Variants in NUP98 observed in about 807,000 individuals in gnomAD.
NUP98 encodes the protein nuclear pore complex protein Nup98-Nup96.
A neutral mutation model predicts 191.9 loss-of-function variants in NUP98; 26 were observed. That is an observed-to-expected ratio of 0.14 (90% confidence interval 0.10 to 0.19). The LOEUF is 0.19. Ranked by LOEUF, NUP98 falls within the 10% of genes least tolerant of loss-of-function variation. The pLI is 1.00. For missense variants in NUP98, 1,941 were observed against 2,178.8 expected, an observed-to-expected ratio of 0.89 and a Z score of 2.17; for synonymous variants, 808 against 778.4, an observed-to-expected ratio of 1.04 and a Z score of -0.63.
At chr11:3,683,785 G>A (rs934815664) in intron 29 of NUP98, among the ~76,000 whole-genome samples, 6 of 151,954 alleles carry the variant, frequency 3.9e-5, no homozygotes, top group African/African-American at 9.7e-5. Flanking sequence ...TGATCCACCC[G>A]CCTCAGCTTC....
At position 3,686,055 on chromosome 11, in the gene NUP98, G is replaced by T; in HGVS notation, c.4594C>A (p.Gln1532Lys). The change falls in exon 29 of 33, where the codon CAG (glutamine) becomes AAG (lysine). Residue 1532 changes from glutamine (Q) to lysine (K), a missense_variant. This residue lies in a region of NUP98 where 1,030 missense variants were observed against 1,115.8 expected (regional missense o/e 0.92). Coordinates refer to ENST00000324932, the MANE Select transcript of NUP98 (RefSeq NM_016320.5). ...HLSAQCEGVL[Q>K]ASYAGQLESE... is the part of the protein sequence containing the mutation. ...TCAAGCTGGCCAGCGTAACTGGCCT[G>T]TAGCACACCTTCACACTGCGCTGAG... The T allele has an allele frequency of 4.3e-6, 7 of 1,614,206 alleles. No homozygotes were observed. Among genetic ancestry groups the T allele is most frequent in the Non-Finnish European group, 5.9e-6 (7 of 1,180,038 alleles).
intron 1 of NUP98, among the ~76,000 whole-genome samples, chr11:3,791,383 A>C (rs1039637102): frequency 6.6e-6 from 1 of 151,342 alleles, no homozygotes; most frequent in African/African-American, 2.4e-5. Flanking sequence ...AAATACAAAA[A>C]ATTAGCCAGG....
intron 20 of NUP98, among the ~76,000 whole-genome samples, chr11:3,708,149 G>A (rs1024758912): frequency 2.0e-5 from 3 of 152,198 alleles, no homozygotes; most frequent in South Asian, 2.1e-4. Flanking sequence ...TTGATAAAAT[G>A]GTTTATGGCT....
chr11:3,699,191 C>A lies in NUP98; in HGVS notation c.3900G>T (p.Gln1300His). The A allele has an allele frequency of 6.2e-7, 1 of 1,614,166 alleles. No homozygotes were observed. Among genetic ancestry groups the A allele is most frequent in the Non-Finnish European group, 8.5e-7 (1 of 1,180,032 alleles). ...GGGTTAAGGAGACTTCCTCTTCAAT[C>A]TGAGGTGTGGCAGTACAGGATAGCC... Reference protein sequence around the residue: ...SRWLSCTATPQIEEEVSLTQK... With the variant: ...SRWLSCTATPHIEEEVSLTQK... Residue 1300 changes from glutamine to histidine, a missense_variant, in exon 25 of 33, where the codon CAG (glutamine) becomes CAT (histidine). By Grantham distance (24) the Gln-to-His change is conservative. Coordinates refer to ENST00000324932, the MANE Select transcript of NUP98 (RefSeq NM_016320.5).
chr11:3,700,268 CAAAAAAAAAAA>C (rs35824298), intron 24 of NUP98, among the ~76,000 whole-genome samples: 6 of 93,420 alleles, frequency 6.4e-5, no homozygotes, highest in Admixed American at 2.5e-4. Flanking sequence ...GACTCCGTCT[CAAAAAAAAAAA>C]AAAAAAAAAA....
Position 3,759,332 on chromosome 11 carries a change from C to T in NUP98, c.1174+1207G>A, listed in dbSNP as rs1231216384. 1.1e-4 allele frequency among the ~76,000 whole-genome samples: 16 copies of T among 152,276 alleles called. No homozygotes were observed. The East Asian group carries it at 2.9e-3, about 28-fold the overall frequency. On this transcript the variant is annotated intron_variant, in intron 10 of 32. Coordinates refer to ENST00000324932, the MANE Select transcript of NUP98 (RefSeq NM_016320.5). ...AAAATATTGACTGGGTGTGGTGGCT[C>T]ATGCCTATAATCCCAGCACTTTGGG... is the stretch of plus-strand genomic sequence containing the variant.
At chr11:3,735,350 A>AT in intron 12 of NUP98, 26 bp from the exon 13 acceptor site, 6 of 1,241,644 alleles carry the variant, frequency 4.8e-6, no homozygotes, top group Non-Finnish European at 5.3e-6. Flanking sequence ...AAAGAAAACA[A>AT]AATATATATA....
chr11:3,753,098 T>G (rs2080824680), intron 11 of NUP98, among the ~76,000 whole-genome samples: 1 of 152,212 alleles, frequency 6.6e-6, no homozygotes, highest in Non-Finnish European at 1.5e-5. Context: ...TCAGAGGACA[T>G]TTTGTAGAAA....
At chr11:3,698,329 TTTGA>T (rs2078575011) in intron 25 of NUP98, among the ~76,000 whole-genome samples, 1 of 152,174 alleles carries the variant, frequency 6.6e-6, no homozygotes, top group Non-Finnish European at 1.5e-5. Flanking sequence ...TTTGGGTGAT[TTTGA>T]TTGATAGCTT....
chr11:3,773,846 T>C (rs1279577638), intron 5 of NUP98, 107 bp from the exon 6 acceptor site: 9 of 620,614 alleles, frequency 1.5e-5, no homozygotes, highest in Non-Finnish European at 2.6e-5. Flanking sequence ...CCCCAGGTCT[T>C]TTATACTGAG....
chr11:3,679,759 A>G, intron 30 of NUP98, 51 bp from the exon 31 acceptor site: 1 of 1,557,978 alleles, frequency 6.4e-7, no homozygotes, highest in Admixed American at 1.9e-5. Context: ...CATAGTTTCC[A>G]AAAGTACAGA....
At chr11:3,702,247 C>T (rs1045344880) in intron 23 of NUP98, among the ~76,000 whole-genome samples, 4 of 151,750 alleles carry the variant, frequency 2.6e-5, no homozygotes, top group Non-Finnish European at 5.9e-5. Context: ...CAAAAACACA[C>T]ACACACACAC....
At chr11:3,693,468 G>C in intron 26 of NUP98, 93 bp from the exon 27 acceptor site, 1 of 1,246,178 alleles carries the variant, frequency 8.0e-7, no homozygotes, top group Non-Finnish European at 1.1e-6. Flanking sequence ...CTTATTCAAG[G>C]AACATTTTAA....
At chr11:3,686,710 G>A (rs539767752) in intron 28 of NUP98, among the ~76,000 whole-genome samples, 76 of 152,134 alleles carry the variant, frequency 5.0e-4, no homozygotes, top group Non-Finnish European at 8.7e-4. Flanking sequence ...AGAGCAAGGC[G>A]CGGTGGCTCA....
Position 3,687,389 on chromosome 11 carries a change from T to TG in NUP98, c.4455-1196dup, listed in dbSNP as rs1479982987. ...ATGAGCAGTAGTTTTGAAATTTTGTTGAAGTCCAATTTACCAATTTTTTTC... is the reference window on the plus strand; with the variant it reads ...ATGAGCAGTAGTTTTGAAATTTTGTTGGAAGTCCAATTTACCAATTTTTTTC... On this transcript the variant is annotated intron_variant, in intron 28 of 32. Coordinates refer to ENST00000324932, the MANE Select transcript of NUP98 (RefSeq NM_016320.5). 3.3e-5 allele frequency among the ~76,000 whole-genome samples: 5 copies of TG among 152,338 alleles called. No individual in the cohort carries two copies. In the East Asian group the frequency reaches 9.6e-4, roughly 29 times the overall value.
At chr11:3,735,780 TG>T (rs2080028430) in intron 12 of NUP98, among the ~76,000 whole-genome samples, 1 of 149,188 alleles carries the variant, frequency 6.7e-6, no homozygotes, top group Non-Finnish European at 1.5e-5. Flanking sequence ...TGTGTGTGTG[TG>T]TGTGTGTGTA....
chr11:3,746,209 C>T (rs981396140), intron 11 of NUP98, among the ~76,000 whole-genome samples: 11 of 129,374 alleles, frequency 8.5e-5, no homozygotes, highest in African/African-American at 2.9e-4. Context: ...GTGGAGGTTG[C>T]GGTGAGCCAA....
intron 31 of NUP98, among the ~76,000 whole-genome samples, chr11:3,677,236 A>G (rs988213999): frequency 1.6e-4 from 24 of 152,288 alleles, no homozygotes; most frequent in African/African-American, 5.8e-4. Context: ...TTCTTTAAGG[A>G]GGTCATATTT....
intron 9 of NUP98, among the ~76,000 whole-genome samples, chr11:3,761,375 C>T (rs1186061647): frequency 2.0e-5 from 3 of 152,138 alleles, no homozygotes; most frequent in Non-Finnish European, 4.4e-5. Context: ...GCCTGTAATC[C>T]CAGCATTCTG....
Sources: allele counts gnomAD v4.1 joint callset (sites outside exome capture counted in the v4.1 genomes callset), GRCh38; gene constraint gnomAD v4.1.1; regional missense constraint gnomAD v4.1.1; transcripts MANE v1.5; gene names NCBI Gene and HGNC (gene_info 2026-07-23, HGNC 2026-07-21).